Variants in NEB observed in about 807,000 individuals in gnomAD.
NEB encodes nemaline myopathy type 2.
In NEB, 512 loss-of-function variants were observed where a neutral mutation model predicts 952.2. That is an observed-to-expected ratio of 0.54 (90% CI 0.50 to 0.58). The LOEUF (loss-of-function observed/expected upper bound fraction) is 0.58, where lower values mean the gene tolerates loss of function less well. NEB is among the 20% of genes least tolerant of loss of function. The pLI is 0.00. For missense variants in NEB, 8,428 were observed against 9,231.1 expected (o/e 0.91, Z 3.56); for synonymous variants, 2,900 against 3,149.8 (o/e 0.92, Z 2.66).
intron 27 of NEB, among the ~76,000 whole-genome samples, chr2:151,685,959 A>C (rs2099494776): frequency 6.6e-6 from 1 of 152,190 alleles, no homozygotes; most frequent in African/African-American, 2.4e-5. Flanking sequence ...TCCTTCTCAT[A>C]TTTTGTGGGT....
At position 151,561,882 on chromosome 2, in the gene NEB, G is replaced by A. The variant is rs144225000; in HGVS notation, c.18996+228C>T. Reference sequence around the variant, plus strand: ...TCACTAAGAAACACCTCCCAGATAAGCTTTTATTATAAATGTGCATTGCCT... The same window carrying A: ...TCACTAAGAAACACCTCCCAGATAAACTTTTATTATAAATGTGCATTGCCT... On this transcript the variant is annotated intron_variant, in intron 121 of 181. Transcript: ENST00000397345. Among the ~76,000 whole-genome samples, 1,070 of 152,250 alleles carry A rather than the reference G, an allele frequency of 7.0e-3. 15 individuals are homozygous for A. Among genetic ancestry groups the A allele is most frequent in the East Asian group, 0.049 (255 of 5,178 alleles).
At chr2:151,560,271 A>G (rs1026954033) in intron 124 of NEB, among the ~76,000 whole-genome samples, 6 of 152,048 alleles carry the variant, frequency 3.9e-5, no homozygotes, top group Non-Finnish European at 8.8e-5. Context: ...GAAAAAGTCT[A>G]TTTCTGTAAG....
chr2:151,563,689 T>C lies in NEB; in HGVS notation c.18610A>G (p.Lys6204Glu). The C allele has an allele frequency of 1.2e-6, 2 of 1,613,870 alleles. No individual in the cohort carries two copies. Among genetic ancestry groups the C allele is most frequent in the South Asian group, 2.2e-5 (2 of 91,084 alleles). ...LKYKETYEKQ[K>E]GHYLAGKVIG... ...ACTTTTCCAGCCAGGTAGTGACCTTTCTGCTTCTCATATGTCTCTTTGTAT... is the reference window on the plus strand; with the variant it reads ...ACTTTTCCAGCCAGGTAGTGACCTTCCTGCTTCTCATATGTCTCTTTGTAT... Residue 6204 changes from lysine to glutamate, a missense_variant, in exon 119 of 182, where the codon AAA becomes GAA. Lys to Glu is a moderately conservative substitution (Grantham distance 56). This residue lies in a region of NEB where 3,374 missense variants were observed against 3,651.5 expected (regional missense o/e 0.92). Coordinates refer to ENST00000397345, the MANE Select transcript of NEB (RefSeq NM_001164508.2).
At chr2:151,514,492 G>T in intron 158 of NEB, 64 bp from the exon 159 acceptor site, 2 of 1,289,322 alleles carry the variant, frequency 1.6e-6, no homozygotes, top group African/African-American at 1.5e-5. Context: ...CTCAGGCAAA[G>T]AAGAAAATAA....
rs1364969200 is a variant in NEB at position 151,540,134 on chromosome 2, G to C, written c.20892+210C>G. 4.6e-5 allele frequency among the ~76,000 whole-genome samples: 7 copies of C among 152,136 alleles called. No individual in the cohort carries two copies. The East Asian group carries it at 1.3e-3, about 29-fold the overall frequency. On this transcript the variant is annotated intron_variant, in intron 138 of 181. Transcript: ENST00000397345. ...AAGGGTCATATTTTTATTCAGGAGA[G>C]AATTGAGAAGAATAGGCTTCTGGTA...
At chr2:151,685,032 GAC>G in intron 27 of NEB, 57 bp from the exon 28 acceptor site, 2 of 1,450,404 alleles carry the variant, frequency 1.4e-6, no homozygotes, top group East Asian at 4.9e-5. Context: ...TTCCAGAAAA[GAC>G]AGAGATCTTT....
At chr2:151,515,666 C>T (rs1027411359) in intron 157 of NEB, among the ~76,000 whole-genome samples, 1 of 152,182 alleles carries the variant, frequency 6.6e-6, no homozygotes, top group African/African-American at 2.4e-5. Flanking sequence ...GATGTTGGAA[C>T]TCTACTTTTG....
intron 66 of NEB, 41 bp downstream of exon 66, chr2:151,631,102 C>A (rs1335491704): frequency 6.2e-7 from 1 of 1,606,786 alleles, no homozygotes; most frequent in Non-Finnish European, 8.5e-7. Context: ...ATAATAACAT[C>A]TTCTGGCATC....
intron 107 of NEB, among the ~76,000 whole-genome samples, chr2:151,572,555 T>C (rs1215905717): frequency 7.0e-6 from 1 of 143,116 alleles, no homozygotes; most frequent in Non-Finnish European, 1.5e-5. Flanking sequence ...TATATATACT[T>C]TTTTTTTTTT....
chr2:151,610,608 C>T lies in NEB; in HGVS notation c.11926G>A (p.Gly3976Arg). ...ANISQKLYTK[G>R]WDESKMKDYD... ...TCCTTCATCTTTGATTCATCCCATC[C>T]CTTGGTGTAAAGTTTCTAGGGAAGG... Residue 3976 changes from glycine (G) to arginine (R), a missense_variant, in exon 80 of 182, where the codon GGA becomes AGA. Coordinates refer to ENST00000397345, the MANE Select transcript of NEB (RefSeq NM_001164508.2). 6.2e-7 allele frequency: 1 copy of T among 1,613,146 alleles called. No homozygotes were observed. The highest frequency in any genetic ancestry group is 8.5e-7 in the Non-Finnish European group (1 of 1,179,162).
chr2:151,615,862 TACAA>T, intron 76 of NEB, 136 bp downstream of exon 76: 2 of 670,640 alleles, frequency 3.0e-6, no homozygotes, highest in Non-Finnish European at 5.1e-6. Context: ...TTTTTCCATT[TACAA>T]TTTTGTATAG....
At chr2:151,723,750 G>GTTTTTTT (rs11308757) in intron 8 of NEB, among the ~76,000 whole-genome samples, 1 of 51,374 alleles carries the variant, frequency 1.9e-5, no homozygotes, top group Non-Finnish European at 3.7e-5. Flanking sequence ...TGCCTTCTTT[G>GTTTTTTT]TTTTTTTTTT....
rs2096577327 is a variant in NEB at position 151,570,209 on chromosome 2, G to A, written c.17302C>T (p.Leu5768=). 2 of 1,613,664 alleles carry A rather than the reference G, an allele frequency of 1.2e-6. No individual in the cohort carries two copies. Among genetic ancestry groups the A allele is most frequent in the East Asian group, 2.2e-5 (1 of 44,828 alleles). ...IQSPVDMLSI[L]HSKNSQALVS... ...AGAGCCTGGGAATTTTTAGAGTGCA[G>A]GATGGAAAGCATGTCCACAGGGCTC... is the stretch of plus-strand genomic sequence containing the variant. The change falls in exon 109 of 182, where the codon CTG becomes TTG. Residue 5768 remains leucine, a synonymous_variant. Transcript: ENST00000397345.
chr2:151,609,609 A>G (rs1442621313), intron 81 of NEB, among the ~76,000 whole-genome samples, 200 bp downstream of exon 81: 3 of 152,212 alleles, frequency 2.0e-5, no homozygotes, highest in Admixed American at 2.0e-4. Context: ...GATGATTTAT[A>G]TTTGTCTGAA....
Position 151,547,506 on chromosome 2 carries a change from T to C in NEB, c.20290A>G (p.Met6764Val), listed in dbSNP as rs372042301. ...GGCAGAGAGATCATGTGGCCCTGCA[T>C]CTTGAAGAAGTCTGATTTGTAGATC... Reference protein sequence around the residue: ...ELIYKSDFFKMQGHMISLPYT... With the variant: ...ELIYKSDFFKVQGHMISLPYT... Residue 6764 changes from methionine to valine, a missense_variant, in exon 133 of 182, where the codon ATG (methionine) becomes GTG (valine). This residue lies in a region of NEB where 3,374 missense variants were observed against 3,651.5 expected (regional missense o/e 0.92). Transcript: ENST00000397345. 23 of 1,606,650 alleles carry C rather than the reference T, an allele frequency of 1.4e-5. No homozygotes were observed. The highest frequency in any genetic ancestry group is 1.9e-5 in the Non-Finnish European group (22 of 1,176,656).
At chr2:151,509,630 T>C (rs182331609) in intron 161 of NEB, among the ~76,000 whole-genome samples, 3 of 152,196 alleles carry the variant, frequency 2.0e-5, no homozygotes, top group Admixed American at 6.5e-5. Context: ...TTTTGTTTGT[T>C]TGGTTTTTTG....
chr2:151,535,620 A>T, intron 142 of NEB, 71 bp downstream of exon 142: 1 of 955,258 alleles, frequency 1.0e-6, no homozygotes, highest in Non-Finnish European at 1.6e-6. Flanking sequence ...ATTGGGCTTT[A>T]ATTTAAAAAA....
chr2:151,630,273 T>C (rs1201113619), intron 67 of NEB, among the ~76,000 whole-genome samples: 1 of 152,200 alleles, frequency 6.6e-6, no homozygotes, highest in Admixed American at 6.5e-5. Flanking sequence ...GAACACTTCT[T>C]CCTTATGCCT....
intron 161 of NEB, among the ~76,000 whole-genome samples, chr2:151,510,706 T>C (rs980177436): frequency 2.0e-5 from 3 of 152,344 alleles, no homozygotes; most frequent in South Asian, 4.1e-4. Flanking sequence ...AAATTAAGCT[T>C]TGTCATAGGT....
Sources: allele counts gnomAD v4.1 joint callset (sites outside exome capture counted in the v4.1 genomes callset), GRCh38; gene constraint gnomAD v4.1.1; regional missense constraint gnomAD v4.1.1; transcripts MANE v1.5; gene names NCBI Gene and HGNC (gene_info 2026-07-23, HGNC 2026-07-21).